Variants in NEDD1 observed in about 807,000 individuals in gnomAD.
NEDD1 encodes protein NEDD1.
NEDD1 carries 33 observed loss-of-function variants against 74.0 expected under a neutral mutation model. The observed-to-expected ratio is 0.45, with a 90% confidence interval of 0.34 to 0.60. NEDD1 has a LOEUF of 0.60. Ranked by LOEUF, NEDD1 falls within the 20% of genes least tolerant of loss-of-function variation. The pLI is 0.01. For synonymous variants in NEDD1, 250 were observed against 264.4 expected, an observed-to-expected ratio of 0.95 and a Z score of 0.53; for missense variants, 746 against 776.5, an observed-to-expected ratio of 0.96 and a Z score of 0.47.
At position 96,952,794 on chromosome 12, in the gene NEDD1, G is replaced by C. The variant is rs945673022; in HGVS notation, c.*741G>C. 6.6e-6 allele frequency: 1 copy of C among 151,654 alleles called. No homozygotes were observed. Among genetic ancestry groups the C allele is most frequent in the African/African-American group, 2.4e-5 (1 of 41,392 alleles). 9.4% of individuals were successfully genotyped at this position (151,654 alleles called of 1,614,324 possible). On this transcript the variant is annotated 3_prime_UTR_variant, in exon 16 of 16. Coordinates refer to ENST00000266742, the MANE Select transcript of NEDD1 (RefSeq NM_152905.4). ...TTTCTCATTAGTAACATGCAACGTT[G>C]TACTGCAAAATTTCAATCAACATGA... is the stretch of plus-strand genomic sequence containing the variant.
chr12:96,947,509 G>C (rs557061354), intron 14 of NEDD1, among the ~76,000 whole-genome samples: 1 of 152,292 alleles, frequency 6.6e-6, no homozygotes, highest in East Asian at 1.9e-4. Flanking sequence ...ACAGGTAATG[G>C]AGAGCCATCA....
At chr12:96,915,311 AAG>A (rs1321682436) in intron 4 of NEDD1, among the ~76,000 whole-genome samples, 1 of 152,194 alleles carries the variant, frequency 6.6e-6, no homozygotes, top group Admixed American at 6.5e-5. Context: ...GAAAGACAGT[AAG>A]AGAGTGGCTC....
chr12:96,928,986 G>A (rs969311046), intron 6 of NEDD1, among the ~76,000 whole-genome samples: 24 of 151,638 alleles, frequency 1.6e-4, no homozygotes, highest in Admixed American at 3.3e-4. Context: ...CACCACCCCC[G>A]GCCCATAGTG....
chr12:96,927,021 C>G (rs367773746), intron 6 of NEDD1, among the ~76,000 whole-genome samples: 2 of 150,920 alleles, frequency 1.3e-5, no homozygotes, highest in East Asian at 1.9e-4. Context: ...TAATATATAT[C>G]ATGTTCATTT....
chr12:96,921,895 C>T (rs1875143400), intron 6 of NEDD1, among the ~76,000 whole-genome samples: 1 of 151,914 alleles, frequency 6.6e-6, no homozygotes, highest in South Asian at 2.1e-4. Context: ...GGATTACAGG[C>T]ATGAGCCACC....
At chr12:96,947,630 T>A (rs1490107193) in intron 14 of NEDD1, among the ~76,000 whole-genome samples, 3 of 152,196 alleles carry the variant, frequency 2.0e-5, no homozygotes, top group African/African-American at 7.2e-5. Flanking sequence ...GACAGTGGGC[T>A]CAGGGCCTTT....
chr12:96,929,024 T>A (rs1201810941), intron 6 of NEDD1, among the ~76,000 whole-genome samples: 2 of 151,882 alleles, frequency 1.3e-5, no homozygotes, highest in African/African-American at 2.4e-5. Context: ...TTTCAAGTCT[T>A]TTTTTATTTT....
chr12:96,924,801 T>C (rs1057439898), intron 6 of NEDD1: 1 of 449,968 alleles, frequency 2.2e-6, no homozygotes, highest in African/African-American at 2.0e-5. Context: ...TCTTTATATA[T>C]GTTATTACTT....
intron 6 of NEDD1, among the ~76,000 whole-genome samples, chr12:96,928,678 T>G (rs1263735279): frequency 6.8e-6 from 1 of 146,214 alleles, no homozygotes; most frequent in Non-Finnish European, 1.5e-5. Context: ...ACATAGTGTG[T>G]TTCTTTTTTT....
chr12:96,919,317 G>C (rs1309355596), intron 5 of NEDD1, among the ~76,000 whole-genome samples: 1 of 152,160 alleles, frequency 6.6e-6, no homozygotes, highest in Non-Finnish European at 1.5e-5. Flanking sequence ...AGTTACGTGA[G>C]CTTGCGCAGG....
intron 3 of NEDD1, among the ~76,000 whole-genome samples, chr12:96,910,709 TGC>T (rs1403301703): frequency 2.0e-5 from 3 of 152,208 alleles, no homozygotes; most frequent in African/African-American, 7.2e-5. Context: ...TTTCCAGAAT[TGC>T]CTGAATCACT....
At chr12:96,948,659 A>G (rs1878426460) in intron 14 of NEDD1, among the ~76,000 whole-genome samples, 1 of 152,180 alleles carries the variant, frequency 6.6e-6, no homozygotes, top group Non-Finnish European at 1.5e-5. Context: ...GTTGTCTATT[A>G]AGAAGATTTA....
chr12:96,931,018 A>C (rs1026952208), intron 6 of NEDD1, among the ~76,000 whole-genome samples: 2 of 152,214 alleles, frequency 1.3e-5, no homozygotes, highest in Non-Finnish European at 2.9e-5. Flanking sequence ...ATAGTAAGCC[A>C]CTGAGAATGG....
chr12:96,934,985 C>A lies in NEDD1; in HGVS notation c.499C>A (p.His167Asn), dbSNP rs753931076. ...FGHGSNQSVRHLKYSLFKKSL... is the reference protein window; with the variant it reads ...FGHGSNQSVRNLKYSLFKKSL... ...TCTTTCATTTTTATAGTCTGTTCGG[C>A]ACTTGAAGTACTCCTTGTTTAAGAA... Residue 167 changes from histidine to asparagine, a missense_variant, in exon 7 of 16, where the codon CAC becomes AAC. By Grantham distance (68) the His-to-Asn change is moderately conservative. Transcript: ENST00000266742. The A allele has an allele frequency of 3.8e-6, 6 of 1,589,314 alleles. No individual in the cohort carries two copies. In the Admixed American group the frequency reaches 5.0e-5, roughly 13 times the overall value.
At chr12:96,910,526 TA>T (rs1265361687) in intron 3 of NEDD1, among the ~76,000 whole-genome samples, 1 of 152,188 alleles carries the variant, frequency 6.6e-6, no homozygotes, top group East Asian at 1.9e-4. Flanking sequence ...TCAATGTGGA[TA>T]AAATAAAATG....
chr12:96,909,990 A>G, intron 3 of NEDD1, 95 bp downstream of exon 3: 3 of 1,352,332 alleles, frequency 2.2e-6, no homozygotes, highest in Admixed American at 4.7e-5. Flanking sequence ...TGTGCCTCAT[A>G]CTGAGTAATG....
intron 14 of NEDD1, among the ~76,000 whole-genome samples, chr12:96,949,774 A>C (rs1362349772): frequency 6.6e-6 from 1 of 152,134 alleles, no homozygotes; most frequent in African/African-American, 2.4e-5. Context: ...GTAGCATTGC[A>C]GATTTATGTG....
At chr12:96,948,399 C>T (rs1404637191) in intron 14 of NEDD1, among the ~76,000 whole-genome samples, 1 of 152,230 alleles carries the variant, frequency 6.6e-6, no homozygotes, top group African/African-American at 2.4e-5. Flanking sequence ...TCAGCTAGTT[C>T]TTTTTACTCT....
chr12:96,953,214 A>G lies in NEDD1; in HGVS notation c.*1161A>G, dbSNP rs1364608676. On this transcript the variant is annotated 3_prime_UTR_variant, in exon 16 of 16. Coordinates refer to ENST00000266742, the MANE Select transcript of NEDD1 (RefSeq NM_152905.4). Reference sequence around the variant, plus strand: ...ATGAAAGTATTTACTAAAATTAAAAAAAAAAAAACAAAAAACAAACCTTTA... The same window carrying G: ...ATGAAAGTATTTACTAAAATTAAAAGAAAAAAAACAAAAAACAAACCTTTA... 6.6e-6 allele frequency: 1 copy of G among 151,268 alleles called. No individual in the cohort carries two copies. The highest frequency in any genetic ancestry group is 6.6e-5 in the Admixed American group (1 of 15,144). 9.4% of individuals were successfully genotyped at this position (151,268 alleles called of 1,614,324 possible).
Sources: gnomAD v4.1 joint callset for allele counts (sites outside exome capture counted in the v4.1 genomes callset) on GRCh38, gnomAD v4.1.1 for gene constraint, MANE v1.5 for transcripts, NCBI Gene and HGNC (gene_info 2026-07-23, HGNC 2026-07-21) for gene names.